The following CHN1 variants were observed in gnomAD, a reference collection of about 807,000 sequenced individuals.
CHN1 encodes the protein chimerin 1.
CHN1 carries 37 observed loss-of-function variants against 59.5 expected under a neutral mutation model. The ratio of observed to expected loss-of-function variants is 0.62; its 90% CI spans 0.48 to 0.82. CHN1 has a LOEUF of 0.82. Ranked by LOEUF, CHN1 falls within the 40% of genes least tolerant of loss-of-function variation. The pLI is 0.00. For missense variants in CHN1, 469 were observed against 571.0 expected (o/e 0.82, Z 1.82); for synonymous variants, 206 against 200.4 (o/e 1.03, Z -0.24).
rs774041901 is a variant in CHN1 at position 174,998,324 on chromosome 2, A to G, written c.19+6570T>C. Among the ~76,000 whole-genome samples, 359 of 141,408 alleles carry G rather than the reference A, an allele frequency of 2.5e-3. 2 individuals carry two copies. The highest frequency in any genetic ancestry group is 0.011 in the Middle Eastern group (3 of 280). 92.8% of individuals were successfully genotyped at this position (141,408 alleles called of 152,430 possible). On this transcript the variant is annotated intron_variant, in intron 1 of 12. Transcript: ENST00000409900. ...TCTCAAAAAAAAAAAAAAAAAAAAG[A>G]TACGAGATTAAAAAAAAAAACATAC...
At chr2:174,840,324 C>T (rs1401842840) in intron 7 of CHN1, among the ~76,000 whole-genome samples, 1 of 151,824 alleles carries the variant, frequency 6.6e-6, no homozygotes. Flanking sequence ...AATATCATAC[C>T]CAGCTAATGT....
chr2:174,900,583 A>G (rs1449858288), intron 5 of CHN1, among the ~76,000 whole-genome samples: 2 of 152,218 alleles, frequency 1.3e-5, no homozygotes, highest in East Asian at 3.8e-4. Context: ...AGGCGGGTGG[A>G]TCACCTGAGG....
intron 3 of CHN1, among the ~76,000 whole-genome samples, chr2:174,936,270 C>T (rs1453461751): frequency 6.6e-6 from 1 of 152,178 alleles, no homozygotes; most frequent in Admixed American, 6.5e-5. Flanking sequence ...AAAATCATCA[C>T]TACATTTCCC....
intron 5 of CHN1, among the ~76,000 whole-genome samples, chr2:174,913,680 A>G (rs1045512205): frequency 6.6e-6 from 1 of 152,218 alleles, no homozygotes; most frequent in African/African-American, 2.4e-5. Context: ...CAATTATTTC[A>G]GCATTCAGTA....
At chr2:174,853,251 A>G (rs1303622831) in intron 6 of CHN1, among the ~76,000 whole-genome samples, 2 of 152,158 alleles carry the variant, frequency 1.3e-5, no homozygotes, top group African/African-American at 4.8e-5. Context: ...TAAATCAACA[A>G]GCAAAAAACA....
chr2:174,824,344 A>G (rs893074623), intron 8 of CHN1, 90 bp downstream of exon 8: 4 of 916,934 alleles, frequency 4.4e-6, no homozygotes, highest in Non-Finnish European at 6.5e-6. Flanking sequence ...GATCCAGCCT[A>G]CTGGATATGC....
intron 6 of CHN1, chr2:174,875,809 G>T: frequency 1.0e-6 from 1 of 985,254 alleles, no homozygotes; most frequent in Non-Finnish European, 1.2e-6. Flanking sequence ...ATTGTGACAG[G>T]GAATCAACGT....
chr2:174,977,775 G>A lies in CHN1; in HGVS notation c.20-25573C>T, dbSNP rs369367751. On this transcript the variant is annotated intron_variant, in intron 1 of 12. Transcript: ENST00000409900. Reference sequence around the variant, plus strand: ...GGCTTACATTTCTAAAGGGACCTGTGTGGTAATTGCAAGATATAATGACTT... The same window carrying A: ...GGCTTACATTTCTAAAGGGACCTGTATGGTAATTGCAAGATATAATGACTT... 7.9e-5 allele frequency among the ~76,000 whole-genome samples: 12 copies of A among 152,306 alleles called. No individual in the cohort carries two copies. The East Asian group carries it at 2.3e-3, about 29-fold the overall frequency.
At chr2:174,883,845 T>C (rs7587378) in intron 5 of CHN1, among the ~76,000 whole-genome samples, 6,255 of 149,052 alleles carry the variant, frequency 0.042, 458 homozygotes, top group African/African-American at 0.15. Flanking sequence ...AAAAGGAATA[T>C]AGCATAAATG....
intron 1 of CHN1, among the ~76,000 whole-genome samples, chr2:174,974,569 T>C (rs1348206684): frequency 6.6e-6 from 1 of 152,198 alleles, no homozygotes; most frequent in Non-Finnish European, 1.5e-5. Flanking sequence ...ATTTTTACTG[T>C]TCACAAGTGA....
At chr2:174,932,232 C>T (rs1689370185) in intron 3 of CHN1, among the ~76,000 whole-genome samples, 1 of 152,126 alleles carries the variant, frequency 6.6e-6, no homozygotes, top group South Asian at 2.1e-4. Context: ...GTTTATTTCT[C>T]GTTTATATAA....
intron 1 of CHN1, among the ~76,000 whole-genome samples, chr2:174,961,622 A>T (rs1690412438): frequency 6.6e-6 from 1 of 151,852 alleles, no homozygotes; most frequent in Non-Finnish European, 1.5e-5. Context: ...AAATAAAAAT[A>T]AAATTAAAAA....
intron 8 of CHN1, among the ~76,000 whole-genome samples, chr2:174,817,926 C>T (rs376941228): frequency 1.4e-4 from 21 of 152,184 alleles, no homozygotes; most frequent in Admixed American, 3.9e-4. Context: ...CATGAGCCAT[C>T]GCGCCCGGCC....
At chr2:174,957,355 G>A (rs959080650) in intron 1 of CHN1, among the ~76,000 whole-genome samples, 3 of 150,298 alleles carry the variant, frequency 2.0e-5, no homozygotes, top group African/African-American at 4.9e-5. Context: ...CTTGGCCACA[G>A]CCGGGAACAG....
intron 1 of CHN1, among the ~76,000 whole-genome samples, chr2:174,985,175 A>G (rs1175036445): frequency 1.3e-5 from 2 of 152,218 alleles, no homozygotes; most frequent in Non-Finnish European, 2.9e-5. Flanking sequence ...GTCTTCTATG[A>G]ACATGTAGCT....
chr2:175,004,457 C>A (rs1364186502), intron 1 of CHN1, among the ~76,000 whole-genome samples: 2 of 152,164 alleles, frequency 1.3e-5, no homozygotes, highest in African/African-American at 4.8e-5. Context: ...CCCCAATAGT[C>A]CAACAGGAAG....
intron 7 of CHN1, among the ~76,000 whole-genome samples, chr2:174,838,960 T>C (rs774087403): frequency 2.6e-4 from 40 of 151,556 alleles, no homozygotes; most frequent in Admixed American, 8.6e-4. Flanking sequence ...GAAGTTGCAG[T>C]GAGCTGAGAT....
At chr2:174,937,268 CAT>C (rs1689524615) in intron 3 of CHN1, among the ~76,000 whole-genome samples, 1 of 152,192 alleles carries the variant, frequency 6.6e-6, no homozygotes, top group Admixed American at 6.5e-5. Context: ...GTCACACACA[CAT>C]GGCTAGTCAC....
At chr2:174,960,390 T>C (rs1015368419) in intron 1 of CHN1, among the ~76,000 whole-genome samples, 6 of 152,228 alleles carry the variant, frequency 3.9e-5, no homozygotes, top group Admixed American at 3.9e-4. Flanking sequence ...CTGGACTACA[T>C]GAAAAGGACT....
Sources: allele counts gnomAD v4.1 joint callset (sites outside exome capture counted in the v4.1 genomes callset), GRCh38; gene constraint gnomAD v4.1.1; transcripts MANE v1.5; gene names NCBI Gene and HGNC (gene_info 2026-07-23, HGNC 2026-07-21).